The following TUSC3 variants were observed in gnomAD, a reference collection of about 807,000 sequenced individuals.
The protein encoded by TUSC3 is dolichyl-diphosphooligosaccharide--protein glycosyltransferase subunit TUSC3.
A neutral mutation model predicts 44.8 loss-of-function variants in TUSC3; 45 were observed. The ratio of observed to expected loss-of-function variants is 1.00; its 90% CI spans 0.79 to 1.29. TUSC3 has a LOEUF of 1.29. Among genes scored for constraint, TUSC3 ranks in the 50% most tolerant of loss-of-function variants. The pLI, the probability that TUSC3 is intolerant of heterozygous loss-of-function variation, is 0.00. For synonymous variants in TUSC3, 212 were observed against 152.9 expected (o/e 1.39, Z -2.85); for missense variants, 519 against 437.9 (o/e 1.19, Z -1.65).
the TUSC3 span, among the ~76,000 whole-genome samples, chr8:15,844,869 G>A: frequency 1.5e-3 from 228 of 152,224 alleles, no homozygotes; most frequent in African/African-American, 5.3e-3. Flanking sequence ...GTGGCAGCAT[G>A]AATATGTGAT....
rs138915154 is a variant in TUSC3 at position 15,552,523 on chromosome 8, A to G, written c.138+11955A>G. 1.7e-3 allele frequency among the ~76,000 whole-genome samples: 251 copies of G among 151,888 alleles called. 9 individuals carry two copies. The highest frequency in any genetic ancestry group is 3.6e-3 in the Admixed American group (55 of 15,216). Reference sequence around the variant, plus strand: ...GGGTGAGCTGAAAACTAAAGAGCTAATCATAGGAAATAACCCAGTGAAGAG... The same window carrying G: ...GGGTGAGCTGAAAACTAAAGAGCTAGTCATAGGAAATAACCCAGTGAAGAG... On this transcript the variant is annotated intron_variant, in intron 1 of 10. Transcript: ENST00000503731.
At chr8:15,782,914 G>C in the TUSC3 span, among the ~76,000 whole-genome samples, 1 of 151,998 alleles carries the variant, frequency 6.6e-6, no homozygotes, top group Non-Finnish European at 1.5e-5. Context: ...TGTTCAAATT[G>C]AAAAGGAAGA....
At chr8:15,747,638 A>C (rs1003626650) in intron 8 of TUSC3, among the ~76,000 whole-genome samples, 2 of 152,050 alleles carry the variant, frequency 1.3e-5, no homozygotes, top group Non-Finnish European at 2.9e-5. Flanking sequence ...CAATCATACT[A>C]AAAAGGAAAT....
intron 2 of TUSC3, among the ~76,000 whole-genome samples, chr8:15,530,680 G>A (rs890287052): frequency 3.3e-5 from 5 of 152,050 alleles, no homozygotes; most frequent in African/African-American, 4.8e-5. Flanking sequence ...TCACCAGGAC[G>A]GAAACAAACA....
At chr8:15,739,720 T>A (rs1484436742) in intron 7 of TUSC3, among the ~76,000 whole-genome samples, 1 of 152,232 alleles carries the variant, frequency 6.6e-6, no homozygotes, top group African/African-American at 2.4e-5. Context: ...TGAAGAAGAT[T>A]TTTATTCTTA....
In TUSC3 at chr8:15,764,265, C is replaced by G. The variant is rs372843143; in HGVS notation, c.*109C>G. 4 of 1,576,798 alleles carry G rather than the reference C, an allele frequency of 2.5e-6. No homozygotes were observed. Among genetic ancestry groups the G allele is most frequent in the Non-Finnish European group, 3.5e-6 (4 of 1,148,706 alleles). On this transcript the variant is annotated 3_prime_UTR_variant, in exon 11 of 11. Transcript: ENST00000503731. The stretch of plus-strand genomic sequence containing the variant: ...AGTGAATGTTTACCATGAAGATAAA[C>G]TGTTCCTGACTTTATACTATTTTGA...
At chr8:15,779,936 C>T in the TUSC3 span, among the ~76,000 whole-genome samples, 19 of 152,234 alleles carry the variant, frequency 1.2e-4, no homozygotes, top group East Asian at 1.4e-3. Context: ...AGAAACAAAA[C>T]GAGCGGTCTT....
chr8:15,612,185 A>ATGT (rs1804792155), intron 1 of TUSC3, among the ~76,000 whole-genome samples: 1 of 152,166 alleles, frequency 6.6e-6, no homozygotes, highest in African/African-American at 2.4e-5. Flanking sequence ...CCTGCTATTC[A>ATGT]GATAGCAGGT....
rs780948420 is a variant in TUSC3 at position 15,475,622 on chromosome 8, C to G, written n.92-7764C>G. 3.9e-5 allele frequency among the ~76,000 whole-genome samples: 6 copies of G among 152,112 alleles called. No individual in the cohort carries two copies. The East Asian group carries it at 9.6e-4, about 24-fold the overall frequency. ...AAGTAAATCAACTGGAAAACTGGAGCTCTAGAATAGTTTGGGATATATGCC... is the reference window on the plus strand; with the variant it reads ...AAGTAAATCAACTGGAAAACTGGAGGTCTAGAATAGTTTGGGATATATGCC... On this transcript the variant is annotated intron_variant and non_coding_transcript_variant, in intron 1 of 5. Transcript: ENST00000503191.
chr8:15,844,709 G>A, the TUSC3 span, among the ~76,000 whole-genome samples: 1 of 152,094 alleles, frequency 6.6e-6, no homozygotes, highest in African/African-American at 2.4e-5. Flanking sequence ...TTAAATCTCT[G>A]TATTGAGATT....
the TUSC3 span, among the ~76,000 whole-genome samples, chr8:15,838,240 G>A: frequency 6.6e-6 from 1 of 152,104 alleles, no homozygotes; most frequent in Non-Finnish European, 1.5e-5. Flanking sequence ...ATTTACCTTT[G>A]AGACTTATAC....
chr8:15,462,019 C>T (rs766688254), intron 1 of TUSC3, among the ~76,000 whole-genome samples: 32 of 151,978 alleles, frequency 2.1e-4, no homozygotes, highest in Non-Finnish European at 3.4e-4. Context: ...TCTTTACTTA[C>T]TTTTGAGCAA....
At chr8:15,803,770 A>G in the TUSC3 span, among the ~76,000 whole-genome samples, 2 of 151,400 alleles carry the variant, frequency 1.3e-5, no homozygotes, top group Admixed American at 1.3e-4. Flanking sequence ...GTGTTGTTCA[A>G]CTCCTGCTTA....
At chr8:15,462,849 C>T (rs1249710769) in intron 1 of TUSC3, among the ~76,000 whole-genome samples, 2 of 152,008 alleles carry the variant, frequency 1.3e-5, no homozygotes, top group Non-Finnish European at 2.9e-5. Context: ...GCCACCAATT[C>T]CCTTGGCCAG....
chr8:15,483,283 CCT>C (rs934330959), intron 1 of TUSC3: 5 of 188,378 alleles, frequency 2.7e-5, no homozygotes, highest in African/African-American at 9.6e-5. Context: ...TTTTAAAAAT[CCT>C]CTAAGATGAA....
chr8:15,563,684 T>TAAAAAAAAA (rs1802561033), intron 1 of TUSC3, among the ~76,000 whole-genome samples: 1 of 26,708 alleles, frequency 3.7e-5, no homozygotes, highest in African/African-American at 1.2e-4. Context: ...AGCCTCCATC[T>TAAAAAAAAA]CAAAAAAAAA....
intron 6 of TUSC3, among the ~76,000 whole-genome samples, chr8:15,701,509 A>G (rs1191049568): frequency 6.6e-6 from 1 of 152,172 alleles, no homozygotes; most frequent in Non-Finnish European, 1.5e-5. Context: ...TGTAGTCGAT[A>G]TAGTAGCTGT....
the TUSC3 span, among the ~76,000 whole-genome samples, chr8:15,824,371 A>G: frequency 1.3e-5 from 2 of 152,176 alleles, no homozygotes; most frequent in Admixed American, 6.5e-5. Context: ...ATGAATATCA[A>G]CTGATGGGCT....
Position 15,529,040 on chromosome 8 carries a change from C to T in TUSC3, n.189+45557C>T, listed in dbSNP as rs111871857. Among the ~76,000 whole-genome samples the T allele has an allele frequency of 1.3e-3, 195 of 152,296 alleles. 2 individuals carry two copies. The highest frequency in any genetic ancestry group is 4.5e-3 in the African/African-American group (189 of 41,568). On this transcript the variant is annotated intron_variant and non_coding_transcript_variant, in intron 2 of 5. Transcript: ENST00000503191. Reference sequence around the variant, plus strand: ...CTACCACCTACTCCACTGACCTTTCCTGATACATAGAACATGCTACACAAG... The same window carrying T: ...CTACCACCTACTCCACTGACCTTTCTTGATACATAGAACATGCTACACAAG...
Sources: gnomAD v4.1 joint callset for allele counts (sites outside exome capture counted in the v4.1 genomes callset) on GRCh38, gnomAD v4.1.1 for gene constraint, MANE v1.5 for transcripts, NCBI Gene and HGNC (gene_info 2026-07-23, HGNC 2026-07-21) for gene names.